Variants in CLTCL1 observed in about 807,000 individuals in gnomAD.
CLTCL1 encodes clathrin heavy chain like 1.
Under a neutral mutation model 190.0 loss-of-function variants are expected in CLTCL1, and 159 were observed. The observed-to-expected ratio is 0.84, with a 90% CI of 0.74 to 0.95. CLTCL1 has a LOEUF of 0.95. Ranked by LOEUF, CLTCL1 falls within the 40% of genes least tolerant of loss-of-function variation. CLTCL1 has a pLI of 0.00. For missense variants in CLTCL1, 1,878 were observed against 2,033.4 expected, an observed-to-expected ratio of 0.92 and a Z score of 1.47; for synonymous variants, 752 against 769.6, an observed-to-expected ratio of 0.98 and a Z score of 0.38.
chr22:19,216,156 A>C lies in CLTCL1; in HGVS notation c.3020T>G (p.Leu1007Arg). 1 of 1,613,978 alleles carries C rather than the reference A, an allele frequency of 6.2e-7. No individual in the cohort carries two copies. Among genetic ancestry groups the C allele is most frequent in the Non-Finnish European group, 8.5e-7 (1 of 1,179,848 alleles). The change falls in exon 19 of 33, where the codon CTG becomes CGG. Residue 1007 changes from leucine (L) to arginine (R), a missense_variant. Coordinates refer to ENST00000427926, the MANE Select transcript of CLTCL1 (RefSeq NM_007098.4). ...TADLPNELIE[L>R]LEKIVLDNSV... ...GTTATCCAGAACTATCTTCTCCAGC[A>C]GTTCAATCAGTTCATTAGGCAGGTC...
chr22:19,214,298 G>T (rs1165027785), intron 19 of CLTCL1, among the ~76,000 whole-genome samples: 1 of 152,202 alleles, frequency 6.6e-6, no homozygotes, highest in Non-Finnish European at 1.5e-5. Context: ...TCTGGCAGGA[G>T]TAACAAAGCA....
Position 19,180,794 on chromosome 22 carries a change from C to T in CLTCL1, c.4840G>A (p.Asp1614Asn). 15 of 1,613,818 alleles carry T rather than the reference C, an allele frequency of 9.3e-6. No homozygotes were observed. The highest frequency in any genetic ancestry group is 1.3e-5 in the Non-Finnish European group (15 of 1,179,794). Residue 1614 changes from aspartate to asparagine, a missense_variant, in exon 31 of 33, where the codon GAT becomes AAT. Physicochemically the swap from Asp to Asn is conservative, Grantham distance 23. Transcript: ENST00000427926. ...REYLSKVDKL[D>N]ALESLRKQEE... ...TGCTTGCGCAGACTCTCCAAGGCATCCAGTTTGTCCACCTGCAAGGAGGCA... is the reference window on the plus strand; with the variant it reads ...TGCTTGCGCAGACTCTCCAAGGCATTCAGTTTGTCCACCTGCAAGGAGGCA...
intron 2 of CLTCL1, among the ~76,000 whole-genome samples, chr22:19,260,850 C>CA (rs1424116251): frequency 4.8e-5 from 6 of 125,158 alleles, no homozygotes; most frequent in African/African-American, 1.8e-4. Context: ...AATGGAAAAA[C>CA]AAGAGTCGTG....
intron 22 of CLTCL1, among the ~76,000 whole-genome samples, chr22:19,202,592 C>G (rs531565484): frequency 6.7e-6 from 1 of 149,868 alleles, no homozygotes; most frequent in African/African-American, 2.5e-5. Flanking sequence ...GGCACCTCCC[C>G]TCCTTCCGTC....
At chr22:19,230,024 G>C in intron 10 of CLTCL1, 49 bp from the exon 11 acceptor site, 1 of 1,447,120 alleles carries the variant, frequency 6.9e-7, no homozygotes, top group Non-Finnish European at 9.2e-7. Context: ...TTCATTCAGT[G>C]TTTCATTTTC....
In CLTCL1 at chr22:19,180,954, C is replaced by A. The variant is rs1234065949; in HGVS notation, c.4828-148G>T. The A allele has an allele frequency of 2.3e-5, 16 of 683,506 alleles. 1 individual carries two copies. The highest frequency in any genetic ancestry group is 1.5e-4 in the Admixed American group (7 of 46,568). 42.3% of individuals were successfully genotyped at this position (683,506 alleles called of 1,614,324 possible). A position where few individuals can be genotyped will look rare whatever the true frequency, so the allele number is the denominator to read the frequency against. ...ATGGGCAGATGTGGAGTGGCTCAGC[C>A]CACACCCCATGCACTTTTAGAATGC... On this transcript the variant is annotated intron_variant, in intron 30 of 32. Coordinates refer to ENST00000427926, the MANE Select transcript of CLTCL1 (RefSeq NM_007098.4).
intron 1 of CLTCL1, among the ~76,000 whole-genome samples, chr22:19,279,261 G>C (rs970784881): frequency 6.6e-6 from 1 of 151,772 alleles, no homozygotes; most frequent in African/African-American, 2.4e-5. Flanking sequence ...TCACCCTCCC[G>C]AGTAGCTGGG....
chr22:19,193,772 AG>A (rs1243478631), intron 26 of CLTCL1, among the ~76,000 whole-genome samples: 1 of 152,156 alleles, frequency 6.6e-6, no homozygotes, highest in Non-Finnish European at 1.5e-5. Context: ...TTGTTCCTTC[AG>A]ATGTTGAGAG....
intron 16 of CLTCL1, 146 bp from the exon 17 acceptor site, chr22:19,221,757 G>A: frequency 2.0e-6 from 2 of 981,786 alleles, no homozygotes; most frequent in Non-Finnish European, 2.9e-6. Context: ...AGATGGACCT[G>A]GTTTCCAAAC....
At chr22:19,244,718 G>A (rs898822380) in intron 3 of CLTCL1, among the ~76,000 whole-genome samples, 1 of 152,214 alleles carries the variant, frequency 6.6e-6, no homozygotes, top group South Asian at 2.1e-4. Flanking sequence ...GCCTTGGGCC[G>A]ATGTCCTGCT....
chr22:19,286,823 A>G (rs563654160), intron 1 of CLTCL1, among the ~76,000 whole-genome samples: 3 of 152,314 alleles, frequency 2.0e-5, no homozygotes, highest in East Asian at 1.9e-4. Context: ...TCCAGCAGAA[A>G]TATGTTTAAG....
At chr22:19,187,522 C>A in intron 29 of CLTCL1, 36 bp downstream of exon 29, 1 of 1,591,332 alleles carries the variant, frequency 6.3e-7, no homozygotes, top group Non-Finnish European at 8.6e-7. Flanking sequence ...CACACCAAGG[C>A]AGGAAGGTGG....
chr22:19,222,951 G>T, intron 14 of CLTCL1, 142 bp from the exon 15 acceptor site: 1 of 992,328 alleles, frequency 1.0e-6, no homozygotes, highest in Non-Finnish European at 1.4e-6. Flanking sequence ...CTCTAAATAG[G>T]CTGTCGTTTT....
chr22:19,182,741 AAGT>A (rs1412837094), intron 30 of CLTCL1: 2 of 152,292 alleles, frequency 1.3e-5, no homozygotes, highest in Admixed American at 6.5e-5. Flanking sequence ...ATGCTACTGG[AAGT>A]AGCTTTTCCA....
intron 4 of CLTCL1, among the ~76,000 whole-genome samples, chr22:19,239,961 T>A (rs1446704358): frequency 2.6e-5 from 4 of 151,044 alleles, no homozygotes; most frequent in African/African-American, 9.7e-5. Context: ...TTTTTTTTTT[T>A]TTTTTAAGAT....
At chr22:19,243,519 CA>C (rs1419415895) in intron 3 of CLTCL1, among the ~76,000 whole-genome samples, 4 of 151,906 alleles carry the variant, frequency 2.6e-5, no homozygotes, top group Admixed American at 2.6e-4. Context: ...CTCGGGAGGC[CA>C]AGGCAGGGGG....
intron 1 of CLTCL1, among the ~76,000 whole-genome samples, chr22:19,284,413 C>T (rs575453697): frequency 6.6e-6 from 1 of 152,318 alleles, no homozygotes; most frequent in South Asian, 2.1e-4. Context: ...GTAATACCAG[C>T]ACTTTGGGAG....
intron 24 of CLTCL1, 115 bp downstream of exon 24, chr22:19,199,619 A>G (rs1323166657): frequency 1.8e-5 from 12 of 677,596 alleles, no homozygotes; most frequent in African/African-American, 3.6e-5. Flanking sequence ...GCCATGCTTC[A>G]TATTTGCAGA....
chr22:19,263,426 A>AT (rs1205477915), intron 2 of CLTCL1, among the ~76,000 whole-genome samples: 1 of 151,168 alleles, frequency 6.6e-6, no homozygotes, highest in East Asian at 1.9e-4. Context: ...TTTTATTTTT[A>AT]TTTTTTGAGA....
Sources: allele counts gnomAD v4.1 joint callset (sites outside exome capture counted in the v4.1 genomes callset), GRCh38; gene constraint gnomAD v4.1.1; transcripts MANE v1.5; gene names NCBI Gene and HGNC (gene_info 2026-07-23, HGNC 2026-07-21).